SCNN1G: variants seen among roughly 807,000 people sequenced by gnomAD.
SCNN1G encodes sodium channel epithelial 1 subunit gamma.
Under a neutral mutation model 64.6 loss-of-function variants are expected in SCNN1G, and 27 were observed. The ratio of observed to expected loss-of-function variants is 0.42; its 90% CI spans 0.31 to 0.58. SCNN1G has a LOEUF of 0.58. Ranked by LOEUF, SCNN1G falls within the 20% of genes least tolerant of loss-of-function variation. SCNN1G has a pLI of 0.18. For missense variants in SCNN1G, 743 were observed against 823.4 expected (o/e 0.90, Z 1.19); for synonymous variants, 330 against 314.2 (o/e 1.05, Z -0.53).
chr16:23,212,234 C>T, intron 8 of SCNN1G, 83 bp downstream of exon 8: 1 of 877,032 alleles, frequency 1.1e-6, no homozygotes, highest in Non-Finnish European at 1.9e-6. Flanking sequence ...TGGGACTCCA[C>T]CCCTGTTGCC....
Position 23,194,604 on chromosome 16 carries a change from T to G in SCNN1G, c.913+330T>G, listed in dbSNP as rs548518801. Among the ~76,000 whole-genome samples the G allele has an allele frequency of 2.0e-4, 30 of 152,296 alleles. No individual in the cohort carries two copies. In the South Asian group the frequency reaches 6.0e-3, roughly 31 times the overall value. On this transcript the variant is annotated intron_variant, in intron 5 of 12. Transcript: ENST00000300061. ...AGGACAGGTGGTTTCCAAAGGGAGT[T>G]GAGCCCAGATATGCTGAACAGATTA...
intron 2 of SCNN1G, among the ~76,000 whole-genome samples, 176 bp from the exon 3 acceptor site, chr16:23,189,195 G>A (rs980470906): frequency 2.0e-5 from 3 of 152,198 alleles, no homozygotes; most frequent in African/African-American, 7.2e-5. Flanking sequence ...CCATTTGCCA[G>A]AGCCAGGGGT....
Position 23,184,714 on chromosome 16 carries a change from C to A in SCNN1G, c.-44-1514C>A, listed in dbSNP as rs549264179. On this transcript the variant is annotated intron_variant, in intron 1 of 12. Coordinates refer to ENST00000300061, the MANE Select transcript of SCNN1G (RefSeq NM_001039.4). ...AGCCTCCTAGCTTTGCCCCAGCTTC[C>A]AATTTTAGCCCATATTTCATGGGTT... Among the ~76,000 whole-genome samples, 13 of 151,658 alleles carry A rather than the reference C, an allele frequency of 8.6e-5. No individual in the cohort carries two copies. The South Asian group carries it at 2.7e-3, about 32-fold the overall frequency.
intron 1 of SCNN1G, among the ~76,000 whole-genome samples, chr16:23,183,529 G>C (rs1282524759): frequency 1.3e-5 from 2 of 152,198 alleles, no homozygotes; most frequent in African/African-American, 4.8e-5. Context: ...AGGCAAAGTC[G>C]GTGGTAGGTG....
At chr16:23,194,085 A>T in intron 4 of SCNN1G, 86 bp from the exon 5 acceptor site, 1 of 857,490 alleles carries the variant, frequency 1.2e-6, no homozygotes, top group Non-Finnish European at 2.0e-6. Flanking sequence ...CCCCAAAGAG[A>T]GTTGGCTCCA....
intron 2 of SCNN1G, among the ~76,000 whole-genome samples, chr16:23,187,389 G>A (rs1959630841): frequency 1.3e-5 from 2 of 152,150 alleles, no homozygotes; most frequent in African/African-American, 4.8e-5. Flanking sequence ...GATTACAGGA[G>A]TGAACCACCA....
intron 3 of SCNN1G, among the ~76,000 whole-genome samples, chr16:23,190,860 T>C (rs917539369): frequency 7.2e-6 from 1 of 138,456 alleles, no homozygotes; most frequent in East Asian, 2.1e-4. Context: ...TTTTTTTTTT[T>C]TGAGACAGAG....
At position 23,189,357 on chromosome 16, in the gene SCNN1G, C is replaced by A; in HGVS notation, c.318-14C>A. The A allele has an allele frequency of 6.2e-7, 1 of 1,612,376 alleles. No homozygotes were observed. The highest frequency in any genetic ancestry group is 1.1e-5 in the South Asian group (1 of 91,028). ...GCCTCCCCTCTCCCTGACTTTTCCT[C>A]CCCACCTTGGCAGGTACAGCACCGT... On this transcript the variant is annotated splice_polypyrimidine_tract_variant and intron_variant, in intron 2 of 12. Transcript: ENST00000300061.
intron 5 of SCNN1G, among the ~76,000 whole-genome samples, chr16:23,195,422 G>C (rs1959779976): frequency 6.6e-6 from 1 of 152,154 alleles, no homozygotes; most frequent in Non-Finnish European, 1.5e-5. Flanking sequence ...ATGCCCAAAA[G>C]GAATTCTTGA....
chr16:23,200,824 G>T (rs1471055294), intron 6 of SCNN1G, among the ~76,000 whole-genome samples: 1 of 152,198 alleles, frequency 6.6e-6, no homozygotes, highest in African/African-American at 2.4e-5. Context: ...TTTAAGCTGA[G>T]ACAGCGAGAT....
At chr16:23,214,847 T>G in intron 12 of SCNN1G, 60 bp downstream of exon 12, 1 of 1,426,034 alleles carries the variant, frequency 7.0e-7, no homozygotes, top group Non-Finnish European at 9.9e-7. Context: ...AGCATCTTCC[T>G]GGCCTTGGGG....
intron 6 of SCNN1G, among the ~76,000 whole-genome samples, chr16:23,198,450 A>T (rs1959832518): frequency 1.3e-5 from 2 of 152,026 alleles, no homozygotes; most frequent in African/African-American, 2.4e-5. Context: ...ACTTATTTAG[A>T]CCGGGCACAG....
chr16:23,202,267 GAT>G (rs1456338650), intron 6 of SCNN1G, among the ~76,000 whole-genome samples: 43 of 96,962 alleles, frequency 4.4e-4, no homozygotes, highest in Middle Eastern at 4.9e-3. Flanking sequence ...TGGGTGGGTG[GAT>G]GGATGGATGG....
chr16:23,189,955 A>C (rs1439267670), intron 3 of SCNN1G, among the ~76,000 whole-genome samples: 1 of 152,132 alleles, frequency 6.6e-6, no homozygotes, highest in Non-Finnish European at 1.5e-5. Context: ...CTGTAATCTC[A>C]GCTACTTGGG....
chr16:23,212,554 T>C (rs1318195008), intron 8 of SCNN1G, 124 bp from the exon 9 acceptor site: 1 of 792,548 alleles, frequency 1.3e-6, no homozygotes. Flanking sequence ...TTCCAGAGAG[T>C]TGGTAGAAAG....
chr16:23,212,598 GC>G lies in SCNN1G; in HGVS notation c.1295-79del, dbSNP rs1960097538. On this transcript the variant is annotated intron_variant, in intron 8 of 12. Transcript: ENST00000300061. Reference sequence around the variant, plus strand: ...GAAATCATTAAAATGAGACTGCGGGGCTGTCCTTGGTGACCTGGGGATGGCC... The same window carrying G: ...GAAATCATTAAAATGAGACTGCGGGGTGTCCTTGGTGACCTGGGGATGGCC... 3 of 1,027,690 alleles carry G rather than the reference GC, an allele frequency of 2.9e-6. No individual in the cohort carries two copies. The African/African-American group carries it at 4.7e-5, about 16-fold the overall frequency. The allele number at this position is 1,027,690 out of a possible 1,614,324, so 63.7% of individuals were successfully genotyped here. A position where few individuals can be genotyped will look rare whatever the true frequency, so the allele number is the denominator to read the frequency against.
Position 23,215,767 on chromosome 16 carries a change from G to T in SCNN1G, c.*298G>T. On this transcript the variant is annotated 3_prime_UTR_variant, in exon 13 of 13. Transcript: ENST00000300061. ...GGCAGTGGTGCTGGCCCAAGTGAAG[G>T]CCAGAGTGAGGACTGATGCAGCTCT... is the stretch of plus-strand genomic sequence containing the variant. 1 of 488,594 alleles carries T rather than the reference G, an allele frequency of 2.0e-6. No homozygotes were observed. The highest frequency in any genetic ancestry group is 3.7e-6 in the Non-Finnish European group (1 of 266,704). The allele number at this position is 488,594 out of a possible 1,614,324, so 30.3% of individuals were successfully genotyped here.
Position 23,186,487 on chromosome 16 carries a change from C to T in SCNN1G, c.216C>T (p.Ala72=). 6.2e-7 allele frequency: 1 copy of T among 1,614,132 alleles called. No individual in the cohort carries two copies. Among genetic ancestry groups the T allele is most frequent in the Non-Finnish European group, 8.5e-7 (1 of 1,180,036 alleles). ...TGGCCCTCATCCTCTGGCAGTGCGC[C>T]CTCCTCGTCTTCTCCTTCTATACTG... ...TAVALILWQC[A]LLVFSFYTVS... The change falls in exon 2 of 13, where the codon GCC becomes GCT. Residue 72 remains alanine, a synonymous_variant. Coordinates refer to ENST00000300061, the MANE Select transcript of SCNN1G (RefSeq NM_001039.4).
rs1959723703 is a variant in SCNN1G at position 23,192,386 on chromosome 16, C to T, written c.653C>T (p.Thr218Ile). 4 of 1,614,046 alleles carry T rather than the reference C, an allele frequency of 2.5e-6. No individual in the cohort carries two copies. Among genetic ancestry groups the T allele is most frequent in the Middle Eastern group, 1.6e-4 (1 of 6,076 alleles). The change falls in exon 4 of 13, where the codon ACC becomes ATC. Residue 218 changes from threonine (T) to isoleucine (I), a missense_variant. Physicochemically the swap from Thr to Ile is moderately conservative, Grantham distance 89. Transcript: ENST00000300061. ...SNDTSDCATY[T>I]FSSGINAIQE... ...GACACCTCCGACTGTGCCACCTACA[C>T]CTTCAGCTCGGGAATCAATGCCATT...
Sources: allele counts gnomAD v4.1 joint callset (sites outside exome capture counted in the v4.1 genomes callset), GRCh38; gene constraint gnomAD v4.1.1; transcripts MANE v1.5; gene names NCBI Gene and HGNC (gene_info 2026-07-23, HGNC 2026-07-21).